ERGIC3: variants seen among roughly 807,000 people sequenced by gnomAD.
ERGIC3 encodes the protein ERGIC and golgi 3, also known as endoplasmic reticulum-Golgi intermediate compartment protein 3.
A neutral mutation model predicts 54.7 loss-of-function variants in ERGIC3; 33 were observed. The ratio of observed to expected loss-of-function variants is 0.60; its 90% confidence interval spans 0.46 to 0.81. The LOEUF is 0.81. Ranked by LOEUF, ERGIC3 falls within the 30% of genes least tolerant of loss-of-function variation. The probability of loss-of-function intolerance (pLI) is 0.00; values close to 1 mark genes in which losing one functional copy is unlikely to be tolerated. For synonymous variants in ERGIC3, 186 were observed against 189.8 expected (o/e 0.98, Z 0.16); for missense variants, 399 against 488.4 (o/e 0.82, Z 1.73).
intron 7 of ERGIC3, 101 bp from the exon 8 acceptor site, chr20:35,554,943 C>A: frequency 2.9e-6 from 4 of 1,361,248 alleles, no homozygotes; most frequent in Non-Finnish European, 4.2e-6. Flanking sequence ...GAATGAGGGG[C>A]AGAGAAGACA....
At chr20:35,554,646 G>A (rs957525922) in intron 7 of ERGIC3, among the ~76,000 whole-genome samples, 1 of 152,214 alleles carries the variant, frequency 6.6e-6, no homozygotes, top group South Asian at 2.1e-4. Flanking sequence ...CTTTGAGGGT[G>A]GAGGCAGGGA....
At position 35,548,570 on chromosome 20, in the gene ERGIC3, AACCC is replaced by A; in HGVS notation, c.525_528del (p.Asn175LysfsTer67). On this transcript the variant is annotated frameshift_variant, in exon 6 of 13. Coordinates refer to ENST00000348547, the MANE Select transcript of ERGIC3 (RefSeq NM_015966.3). LOFTEE classifies it high-confidence loss of function. Reference sequence around the variant, plus strand: ...TCGCCGTAGAGGCTGGGCCTTCAAGAACCCAGATACTATTGAGCAGTGCCGGCGA... The same window carrying A: ...TCGCCGTAGAGGCTGGGCCTTCAAGAAGATACTATTGAGCAGTGCCGGCGA... The A allele has an allele frequency of 6.2e-7, 1 of 1,614,244 alleles. No individual in the cohort carries two copies. The highest frequency in any genetic ancestry group is 8.5e-7 in the Non-Finnish European group (1 of 1,180,054).
rs780217381 is a variant in ERGIC3, at chr20:35,542,107, C to T, written c.10C>T (p.Leu4=). The stretch of plus-strand genomic sequence containing the variant: ...TTTCCGGCCGGTCCCCATGGAGGCG[C>T]TGGGGAAGCTGAAGCAGTTCGATGC... MEA[L]GKLKQFDAYP... is the part of the protein sequence containing the mutation. The change falls in exon 1 of 13, where the codon CTG becomes TTG. Residue 4 remains leucine, a synonymous_variant. Coordinates refer to ENST00000348547, the MANE Select transcript of ERGIC3 (RefSeq NM_015966.3). 11 of 1,549,850 alleles carry T rather than the reference C, an allele frequency of 7.1e-6. No homozygotes were observed. The highest frequency in any genetic ancestry group is 3.9e-5 in the Admixed American group (2 of 50,730).
In ERGIC3 at chr20:35,542,108, T is replaced by G; in HGVS notation, c.11T>G (p.Leu4Arg). 1 of 1,549,954 alleles carries G rather than the reference T, an allele frequency of 6.5e-7. No individual in the cohort carries two copies. Among genetic ancestry groups the G allele is most frequent in the Non-Finnish European group, 8.7e-7 (1 of 1,148,658 alleles). ...TTCCGGCCGGTCCCCATGGAGGCGC[T>G]GGGGAAGCTGAAGCAGTTCGATGCC... is the stretch of plus-strand genomic sequence containing the variant. MEA[L>R]GKLKQFDAYP... The change falls in exon 1 of 13, where the codon CTG becomes CGG. Residue 4 changes from leucine (L) to arginine (R), a missense_variant. Leu to Arg is a moderately radical substitution (Grantham distance 102). Coordinates refer to ENST00000348547, the MANE Select transcript of ERGIC3 (RefSeq NM_015966.3).
chr20:35,543,087 C>G, intron 4 of ERGIC3, 146 bp downstream of exon 4: 1 of 1,167,338 alleles, frequency 8.6e-7, no homozygotes, highest in Non-Finnish European at 1.2e-6. Context: ...GGTCCCCCAG[C>G]TAGTAAGAGT....
chr20:35,554,061 T>C (rs551521101), intron 7 of ERGIC3, among the ~76,000 whole-genome samples: 29 of 152,252 alleles, frequency 1.9e-4, no homozygotes, highest in African/African-American at 6.7e-4. Context: ...ACGTGATCCT[T>C]AGGACAGCCC....
intron 7 of ERGIC3, chr20:35,549,265 T>C (rs1218192852): frequency 2.1e-6 from 1 of 471,400 alleles, no homozygotes; most frequent in Non-Finnish European, 4.4e-6. Context: ...TGCATGAGGC[T>C]TTGGGAGAAG....
Position 35,557,041 on chromosome 20 carries a change from A to G in ERGIC3, c.948A>G (p.Gln316=). 1 of 1,614,248 alleles carries G rather than the reference A, an allele frequency of 6.2e-7. No individual in the cohort carries two copies. The highest frequency in any genetic ancestry group is 8.5e-7 in the Non-Finnish European group (1 of 1,180,036). Reference sequence around the variant, plus strand: ...TTGCCAATGGGCTGTTGGGCGACCAAGGCCTTCCCGGAGTCTTCGTCCTCT... The same window carrying G: ...TTGCCAATGGGCTGTTGGGCGACCAGGGCCTTCCCGGAGTCTTCGTCCTCT... ...EKVANGLLGD[Q]GLPGVFVLYE... Residue 316 remains glutamine (Q), a synonymous_variant, in exon 11 of 13, where the codon CAA becomes CAG. Coordinates refer to ENST00000348547, the MANE Select transcript of ERGIC3 (RefSeq NM_015966.3).
rs747739875 is a variant in ERGIC3 at position 35,548,775 on chromosome 20, C to T, written c.628-33C>T. 13 of 1,614,088 alleles carry T rather than the reference C, an allele frequency of 8.1e-6. No homozygotes were observed. The South Asian group carries it at 1.4e-4, about 18-fold the overall frequency. Reference sequence around the variant, plus strand: ...GCCCTGAGTAGGCAAAAGGAGGACACAGCCAGTGAATGAGAGAGAATGTTC... The same window carrying T: ...GCCCTGAGTAGGCAAAAGGAGGACATAGCCAGTGAATGAGAGAGAATGTTC... On this transcript the variant is annotated intron_variant, in intron 6 of 12. Transcript: ENST00000348547.
chr20:35,546,641 G>T (rs1334960614), intron 4 of ERGIC3, among the ~76,000 whole-genome samples: 1 of 152,206 alleles, frequency 6.6e-6, no homozygotes, highest in Non-Finnish European at 1.5e-5. Context: ...GTGGTTATGT[G>T]CAAGAGAATA....
At chr20:35,557,163 G>T in intron 11 of ERGIC3, 31 bp from the exon 12 acceptor site, 1 of 1,614,242 alleles carries the variant, frequency 6.2e-7, no homozygotes, top group Non-Finnish European at 8.5e-7. Context: ...GGAGGAGGAT[G>T]CCTGCTGAGC....
Position 35,542,095 on chromosome 20 carries a change from C to T in ERGIC3, c.-3C>T. The T allele has an allele frequency of 9.1e-6, 14 of 1,535,750 alleles. No homozygotes were observed. The highest frequency in any genetic ancestry group is 1.2e-5 in the Non-Finnish European group (14 of 1,142,842). ...GCTGGCGTCCCCTTTCCGGCCGGTC[C>T]CCATGGAGGCGCTGGGGAAGCTGAA... On this transcript the variant is annotated 5_prime_UTR_variant, in exon 1 of 13. Transcript: ENST00000348547.
intron 12 of ERGIC3, 28 bp downstream of exon 12, chr20:35,557,277 G>A: frequency 6.2e-7 from 1 of 1,614,020 alleles, no homozygotes; most frequent in Non-Finnish European, 8.5e-7. Flanking sequence ...TCTGTGAGCT[G>A]TGGGGTGGGG....
rs2147301079 is a variant in ERGIC3 at position 35,542,201 on chromosome 20, G to A, written c.88+16G>A. 1.3e-6 allele frequency: 2 copies of A among 1,584,474 alleles called. No individual in the cohort carries two copies. The highest frequency in any genetic ancestry group is 1.7e-6 in the Non-Finnish European group (2 of 1,163,938). The stretch of plus-strand genomic sequence containing the variant: ...GGCGCCACCGGTAGGCCGCAGCGGG[G>A]CCGGGGTCGCGTGGAGGGGGGCGTC... On this transcript the variant is annotated intron_variant, in intron 1 of 12. Transcript: ENST00000348547.
chr20:35,554,819 G>GA (rs1338210677), intron 7 of ERGIC3: 4 of 622,366 alleles, frequency 6.4e-6, no homozygotes, highest in Non-Finnish European at 8.6e-6. Context: ...CGTCAGGGAG[G>GA]AACCAGGGTC....
Position 35,557,116 on chromosome 20 carries a change from A to G in ERGIC3, c.1016+7A>G. The stretch of plus-strand genomic sequence containing the variant: ...AGCTGACGGAGAAGCACAGGTGAGG[A>G]TGGGGGCAAAGCGGCCTCTGGGGGC... On this transcript the variant is annotated splice_region_variant and intron_variant, in intron 11 of 12. Coordinates refer to ENST00000348547, the MANE Select transcript of ERGIC3 (RefSeq NM_015966.3). 2 of 1,614,214 alleles carry G rather than the reference A, an allele frequency of 1.2e-6. No homozygotes were observed. Among genetic ancestry groups the G allele is most frequent in the Non-Finnish European group, 1.7e-6 (2 of 1,180,024 alleles).
chr20:35,549,237 G>A (rs1222896595), intron 7 of ERGIC3: 12 of 473,440 alleles, frequency 2.5e-5, no homozygotes, highest in East Asian at 2.1e-4. Context: ...GTAGCCCCCC[G>A]TGTCCGATGA....
intron 7 of ERGIC3, chr20:35,549,329 G>T: frequency 2.3e-6 from 1 of 426,538 alleles, no homozygotes; most frequent in South Asian, 1.7e-5. Context: ...TCATATTTGG[G>T]CCCTATTTAG....
At chr20:35,547,265 C>T in intron 4 of ERGIC3, 147 bp from the exon 5 acceptor site, 1 of 628,400 alleles carries the variant, frequency 1.6e-6, no homozygotes, top group Non-Finnish European at 2.9e-6. Context: ...TGTAGAAGTG[C>T]TTAATGCCTG....
Sources: gnomAD v4.1 joint callset for allele counts (sites outside exome capture counted in the v4.1 genomes callset) on GRCh38, gnomAD v4.1.1 for gene constraint, MANE v1.5 for transcripts, NCBI Gene and HGNC (gene_info 2026-07-23, HGNC 2026-07-21) for gene names.